FRMD5: variants seen among roughly 807,000 people sequenced by gnomAD.
FRMD5 encodes the protein FERM domain containing 5.
In FRMD5, 20 loss-of-function variants were observed where a neutral mutation model predicts 69.0. That is an observed-to-expected ratio of 0.29 (90% CI 0.20 to 0.42). The LOEUF is 0.42. Among genes scored for constraint, FRMD5 ranks in the 10% least tolerant of loss-of-function variants. The pLI is 1.00. For synonymous variants in FRMD5, 271 were observed against 260.1 expected, an observed-to-expected ratio of 1.04 and a Z score of -0.40; for missense variants, 595 against 708.6, an observed-to-expected ratio of 0.84 and a Z score of 1.82.
chr15:43,989,434 C>T (rs758757572), intron 1 of FRMD5: 9 of 791,744 alleles, frequency 1.1e-5, no homozygotes, highest in African/African-American at 3.4e-5. Flanking sequence ...CTGCTTTTGC[C>T]GATGATGATG....
At chr15:44,137,920 T>C (rs752973883) in intron 1 of FRMD5, among the ~76,000 whole-genome samples, 14 of 152,108 alleles carry the variant, frequency 9.2e-5, no homozygotes, top group Middle Eastern at 3.2e-3. Flanking sequence ...AAAAAGCAGT[T>C]ATGTCATACT....
chr15:44,152,194 G>C (rs1218270484), intron 1 of FRMD5, among the ~76,000 whole-genome samples: 1 of 152,176 alleles, frequency 6.6e-6, no homozygotes, highest in African/African-American at 2.4e-5. Flanking sequence ...GGGTGATAGA[G>C]GGAGACTGTC....
chr15:44,162,212 C>T (rs150769893), intron 1 of FRMD5, among the ~76,000 whole-genome samples: 1,763 of 151,300 alleles, frequency 0.012, 26 homozygotes, highest in South Asian at 0.025. Context: ...GATCCACTCG[C>T]CTCAGCCTCC....
chr15:43,888,374 G>A, intron 9 of FRMD5, 108 bp from the exon 10 acceptor site: 1 of 721,774 alleles, frequency 1.4e-6, no homozygotes, highest in Non-Finnish European at 2.4e-6. Context: ...CAGCTGGCTA[G>A]TTAGAGGGGA....
chr15:44,195,610 G>T (rs2078281230), upstream of FRMD5, among the ~76,000 whole-genome samples: 1 of 152,196 alleles, frequency 6.6e-6, no homozygotes, highest in Non-Finnish European at 1.5e-5. Context: ...GCCAAGCCTC[G>T]CACCCTGCAA....
In FRMD5 at chr15:43,892,052, A is replaced by T. The variant is rs909607560; in HGVS notation, c.657T>A (p.Ala219=). The change falls in exon 8 of 14, where the codon GCT becomes GCA. Residue 219 remains alanine, a synonymous_variant. Coordinates refer to ENST00000417257, the MANE Select transcript of FRMD5 (RefSeq NM_032892.5). ...CAAAAGGAGTGAAGGCCAGAAATGC[A>T]GCATTTCCTGACACGTCCTGCAACA... ...PHPCKDVSGN[A]AFLAFTPFGF... 1.2e-6 allele frequency: 2 copies of T among 1,614,014 alleles called. No individual in the cohort carries two copies. The highest frequency in any genetic ancestry group is 1.7e-6 in the Non-Finnish European group (2 of 1,179,982).
chr15:44,127,850 C>T (rs2077044547), intron 1 of FRMD5, among the ~76,000 whole-genome samples: 1 of 151,666 alleles, frequency 6.6e-6, no homozygotes, highest in Non-Finnish European at 1.5e-5. Context: ...CCAGCCTGGG[C>T]AATAAAATGA....
At chr15:44,091,925 T>C (rs1234126790) in intron 1 of FRMD5, among the ~76,000 whole-genome samples, 2 of 152,074 alleles carry the variant, frequency 1.3e-5, no homozygotes, top group South Asian at 4.1e-4. Context: ...GAATTTAGGA[T>C]AGAGGTGAGG....
rs139334325 is a variant in FRMD5 at position 44,023,677 on chromosome 15, G to A, written c.103-99368C>T. Reference sequence around the variant, plus strand: ...CATTCCCACCAGTGATCCTCCAGTAGTCTAAAAACAAAATTACAAGAATTG... The same window carrying A: ...CATTCCCACCAGTGATCCTCCAGTAATCTAAAAACAAAATTACAAGAATTG... On this transcript the variant is annotated intron_variant, in intron 1 of 13. Transcript: ENST00000417257. Among the ~76,000 whole-genome samples, 4 of 152,212 alleles carry A rather than the reference G, an allele frequency of 2.6e-5. 1 individual carries two copies. In the East Asian group the frequency reaches 7.7e-4, roughly 29 times the overall value.
chr15:43,924,578 A>C (rs1284418147), intron 1 of FRMD5, among the ~76,000 whole-genome samples: 2 of 152,198 alleles, frequency 1.3e-5, no homozygotes, highest in East Asian at 3.8e-4. Flanking sequence ...TTCCCATCTC[A>C]AATGCACAGA....
Position 43,924,191 on chromosome 15 carries a change from G to C in FRMD5, c.207+14C>G. The C allele has an allele frequency of 1.3e-6, 2 of 1,583,630 alleles. No homozygotes were observed. Among genetic ancestry groups the C allele is most frequent in the Non-Finnish European group, 1.7e-6 (2 of 1,152,284 alleles). The stretch of plus-strand genomic sequence containing the variant: ...TAGCCCTGTCCTCCTTTTGTGCTTT[G>C]AATATTGACTTACCCGCTGCTTATC... On this transcript the variant is annotated intron_variant, in intron 2 of 13. Coordinates refer to ENST00000417257, the MANE Select transcript of FRMD5 (RefSeq NM_032892.5).
In FRMD5 at chr15:43,883,734, G is replaced by C. The variant is rs2088593005; in HGVS notation, c.1104C>G (p.Arg368=). 1 of 1,613,312 alleles carries C rather than the reference G, an allele frequency of 6.2e-7. No homozygotes were observed. The highest frequency in any genetic ancestry group is 1.3e-5 in the African/African-American group (1 of 74,878). The change falls in exon 13 of 14, where the codon CGC becomes CGG. Residue 368 remains arginine (R), a synonymous_variant. Transcript: ENST00000417257. ...TGATGGAGATGTGAACAGCTCTTCT[G>C]CGGGTCCTGGGGACGCTGCTCAGCC... ...GPRLSSVPRT[R]RRAVHISIME...
At position 43,888,163 on chromosome 15, in the gene FRMD5, G is replaced by C; in HGVS notation, c.884+12C>G. 1 of 1,592,730 alleles carries C rather than the reference G, an allele frequency of 6.3e-7. No homozygotes were observed. Among genetic ancestry groups the C allele is most frequent in the Non-Finnish European group, 8.6e-7 (1 of 1,160,704 alleles). On this transcript the variant is annotated intron_variant, in intron 10 of 13. Transcript: ENST00000417257. ...CTAAGAAAGACAGTCCCCATCACAT[G>C]TATCCACTCACTTGTAGAAGGCTTG...
chr15:44,083,713 T>C (rs1320341594), intron 1 of FRMD5, among the ~76,000 whole-genome samples: 2 of 152,018 alleles, frequency 1.3e-5, no homozygotes, highest in Middle Eastern at 3.2e-3. Context: ...ACGGGACACA[T>C]GGGATCAAAC....
chr15:43,948,467 T>C (rs1038872494), intron 1 of FRMD5, among the ~76,000 whole-genome samples: 1 of 139,858 alleles, frequency 7.2e-6, no homozygotes, highest in African/African-American at 3.3e-5. Context: ...TAAAAATCTG[T>C]TTGGATTTTT....
At chr15:44,108,214 C>G (rs994930494) in intron 1 of FRMD5, among the ~76,000 whole-genome samples, 2 of 152,182 alleles carry the variant, frequency 1.3e-5, no homozygotes, top group African/African-American at 4.8e-5. Context: ...TTATTTTTAA[C>G]AGTCTCCCTT....
At chr15:44,169,717 G>A (rs2140524736) in intron 1 of FRMD5, among the ~76,000 whole-genome samples, 1 of 152,104 alleles carries the variant, frequency 6.6e-6, no homozygotes, top group South Asian at 2.1e-4. Flanking sequence ...ACAAAACAAG[G>A]AAGTTTTTAG....
chr15:43,970,010 C>A (rs1239972749), intron 1 of FRMD5, among the ~76,000 whole-genome samples: 1 of 152,158 alleles, frequency 6.6e-6, no homozygotes, highest in Admixed American at 6.5e-5. Context: ...GGCTGAGACA[C>A]AAACTGCATT....
chr15:44,006,591 C>T lies in FRMD5; in HGVS notation c.103-82282G>A, dbSNP rs62023705. On this transcript the variant is annotated intron_variant, in intron 1 of 13. Transcript: ENST00000417257. ...TCATTCTAGATGCCATTAAGAACAT[C>T]TGTGGCTCATGGGGAGAAGTCAAAT... Among the ~76,000 whole-genome samples, 516 of 152,320 alleles carry T rather than the reference C, an allele frequency of 3.4e-3. 3 individuals are homozygous for T. Among genetic ancestry groups the T allele is most frequent in the Non-Finnish European group, 5.9e-3 (401 of 68,040 alleles).
Sources: allele counts gnomAD v4.1 joint callset (sites outside exome capture counted in the v4.1 genomes callset), GRCh38; gene constraint gnomAD v4.1.1; transcripts MANE v1.5; gene names NCBI Gene and HGNC (gene_info 2026-07-23, HGNC 2026-07-21).